PTPRM: variants seen among roughly 807,000 people sequenced by gnomAD.
PTPRM encodes receptor-type tyrosine-protein phosphatase mu.
In PTPRM, 47 loss-of-function variants were observed where a neutral mutation model predicts 186.7. The ratio of observed to expected loss-of-function variants is 0.25; its 90% confidence interval spans 0.20 to 0.32. The LOEUF is 0.32. Ranked by LOEUF, PTPRM falls within the 10% of genes least tolerant of loss-of-function variation. The pLI is 1.00. For missense variants in PTPRM, 1,494 were observed against 1,865.0 expected, an observed-to-expected ratio of 0.80 and a Z score of 3.66; for synonymous variants, 668 against 674.9, an observed-to-expected ratio of 0.99 and a Z score of 0.16.
chr18:8,302,416 A>G (rs951935244), intron 20 of PTPRM, among the ~76,000 whole-genome samples: 16 of 152,182 alleles, frequency 1.1e-4, no homozygotes, highest in African/African-American at 3.9e-4. Context: ...GGTGGAAGCC[A>G]GACCTACAGA....
intron 19 of PTPRM, among the ~76,000 whole-genome samples, chr18:8,269,767 A>G (rs2094747352): frequency 6.6e-6 from 1 of 152,060 alleles, no homozygotes; most frequent in Non-Finnish European, 1.5e-5. Context: ...CAAGAGTGCC[A>G]AGAATACACG....
At chr18:8,253,141 C>A in intron 18 of PTPRM, 86 bp from the exon 19 acceptor site, 1 of 1,156,328 alleles carries the variant, frequency 8.6e-7, no homozygotes, top group Middle Eastern at 2.6e-4. Context: ...TGAGGGGATG[C>A]CAGGAGCCAG....
chr18:7,761,667 T>C, intron 1 of PTPRM, among the ~76,000 whole-genome samples: 1 of 152,200 alleles, frequency 6.6e-6, no homozygotes, highest in East Asian at 1.9e-4. Flanking sequence ...TTCATATTTA[T>C]CCTTTTAACT....
intron 2 of PTPRM, among the ~76,000 whole-genome samples, chr18:7,846,022 T>C (rs773744697): frequency 6.6e-6 from 1 of 152,194 alleles, no homozygotes; most frequent in Admixed American, 6.5e-5. Context: ...GGCAAGGAGA[T>C]TGAGTCTTTA....
chr18:7,786,491 C>A (rs980001633), intron 2 of PTPRM, among the ~76,000 whole-genome samples: 3 of 151,874 alleles, frequency 2.0e-5, no homozygotes, highest in African/African-American at 7.3e-5. Flanking sequence ...ATTCTGTTAC[C>A]CATAGAAAAT....
At chr18:8,280,398 T>G in intron 19 of PTPRM, among the ~76,000 whole-genome samples, 1 of 60,980 alleles carries the variant, frequency 1.6e-5, no homozygotes, top group Non-Finnish European at 3.4e-5. Context: ...GATATGAATT[T>G]GTGGTCGGGG....
intron 6 of PTPRM, among the ~76,000 whole-genome samples, chr18:7,954,362 C>T (rs1214031761): frequency 6.6e-6 from 1 of 152,122 alleles, no homozygotes; most frequent in East Asian, 1.9e-4. Flanking sequence ...CTGGAAGTTC[C>T]CTGAATGGCA....
chr18:7,872,761 T>C (rs1243670177), intron 2 of PTPRM, among the ~76,000 whole-genome samples: 1 of 152,238 alleles, frequency 6.6e-6, no homozygotes, highest in Non-Finnish European at 1.5e-5. Context: ...ATCACAGATA[T>C]GCTTCTGACC....
Position 7,945,880 on chromosome 18 carries a change from G to T in PTPRM, c.664-3301G>T, listed in dbSNP as rs73381840. Reference sequence around the variant, plus strand: ...AATACAAAATGGCCTGCAGATTTGAGTAAGATGTGTGATTTGCTATTCCTG... The same window carrying T: ...AATACAAAATGGCCTGCAGATTTGATTAAGATGTGTGATTTGCTATTCCTG... On this transcript the variant is annotated intron_variant, in intron 5 of 32. Coordinates refer to ENST00000580170, the MANE Select transcript of PTPRM (RefSeq NM_001105244.2). Among the ~76,000 whole-genome samples the T allele has an allele frequency of 9.6e-3, 1,464 of 152,324 alleles. 29 individuals are homozygous for T. The highest frequency in any genetic ancestry group is 0.034 in the African/African-American group (1,399 of 41,568).
At chr18:7,786,006 T>A (rs562403800) in intron 2 of PTPRM, among the ~76,000 whole-genome samples, 1 of 152,362 alleles carries the variant, frequency 6.6e-6, no homozygotes, top group South Asian at 2.1e-4. Flanking sequence ...TTGTATCCTA[T>A]CCATAATATG....
intron 7 of PTPRM, among the ~76,000 whole-genome samples, chr18:8,061,319 C>T (rs1242475228): frequency 1.6e-5 from 2 of 126,740 alleles, no homozygotes; most frequent in African/African-American, 3.2e-5. Context: ...GTAGATCTTC[C>T]TCCATCCTTT....
intron 7 of PTPRM, among the ~76,000 whole-genome samples, chr18:8,068,112 TTA>T (rs1363247556): frequency 6.6e-6 from 1 of 152,216 alleles, no homozygotes; most frequent in South Asian, 2.1e-4. Context: ...GTCACAATTT[TTA>T]TGTCTATATA....
At chr18:7,899,076 A>AT (rs2049521986) in intron 3 of PTPRM, among the ~76,000 whole-genome samples, 1 of 152,126 alleles carries the variant, frequency 6.6e-6, no homozygotes, top group Admixed American at 6.5e-5. Flanking sequence ...TAACATGTGT[A>AT]TTTTTTCCTT....
chr18:8,179,178 A>G (rs185105583), intron 14 of PTPRM, among the ~76,000 whole-genome samples: 3 of 152,362 alleles, frequency 2.0e-5, no homozygotes, highest in Admixed American at 2.0e-4. Context: ...GAAAGAAGTC[A>G]GATTATTACT....
At chr18:8,139,804 C>G (rs2092722481) in intron 13 of PTPRM, among the ~76,000 whole-genome samples, 1 of 152,126 alleles carries the variant, frequency 6.6e-6, no homozygotes. Context: ...AGCCCACTCC[C>G]CTTGATTTTT....
At chr18:7,972,368 G>A (rs534682470) in intron 7 of PTPRM, among the ~76,000 whole-genome samples, 3 of 122,028 alleles carry the variant, frequency 2.5e-5, no homozygotes, top group East Asian at 4.4e-4. Context: ...GCTAGATGAC[G>A]ATTTAGTGGG....
chr18:7,808,633 A>T (rs1022747476), intron 2 of PTPRM, among the ~76,000 whole-genome samples: 3 of 152,336 alleles, frequency 2.0e-5, no homozygotes, highest in East Asian at 1.9e-4. Flanking sequence ...TGTTGTGCTC[A>T]ATCTTATTGT....
chr18:7,931,463 T>C (rs2051479956), intron 5 of PTPRM, among the ~76,000 whole-genome samples: 1 of 152,208 alleles, frequency 6.6e-6, no homozygotes, highest in African/African-American at 2.4e-5. Context: ...CCCAGCACTT[T>C]GAGAGGGCGA....
At position 7,987,780 on chromosome 18, in the gene PTPRM, A is replaced by G. The variant is rs1349387285; in HGVS notation, c.1132+32366A>G. Among the ~76,000 whole-genome samples the G allele has an allele frequency of 1.3e-5, 2 of 152,204 alleles. 1 individual carries two copies. The stretch of plus-strand genomic sequence containing the variant: ...AAACCATTTTTTCAGAGTCAGCATT[A>G]TGATTCACTTTTGTTCACAGTCCTC... On this transcript the variant is annotated intron_variant, in intron 7 of 32. Transcript: ENST00000580170.
Sources: gnomAD v4.1 joint callset for allele counts (sites outside exome capture counted in the v4.1 genomes callset) on GRCh38, gnomAD v4.1.1 for gene constraint, MANE v1.5 for transcripts, NCBI Gene and HGNC (gene_info 2026-07-23, HGNC 2026-07-21) for gene names.